The following GRM7 variants were observed in gnomAD, a reference collection of about 807,000 sequenced individuals.
GRM7 encodes the protein metabotropic glutamate receptor 7.
A neutral mutation model predicts 84.5 loss-of-function variants in GRM7; 35 were observed. That is an observed-to-expected ratio of 0.41 (90% CI 0.32 to 0.55). The LOEUF (loss-of-function observed/expected upper bound fraction) is 0.55. Ranked by LOEUF, GRM7 falls within the 20% of genes least tolerant of loss-of-function variation. The pLI is 0.19. For missense variants in GRM7, 1,003 were observed against 1,194.6 expected, an observed-to-expected ratio of 0.84 and a Z score of 2.36; for synonymous variants, 487 against 455.1, an observed-to-expected ratio of 1.07 and a Z score of -0.89.
At chr3:7,025,247 T>C (rs1357338128) in intron 1 of GRM7, among the ~76,000 whole-genome samples, 2 of 152,178 alleles carry the variant, frequency 1.3e-5, no homozygotes, top group Non-Finnish European at 2.9e-5. Context: ...CAATCTTAAC[T>C]CCACCTATGA....
At chr3:7,722,419 A>T (rs1350345220) in intron 9 of GRM7, among the ~76,000 whole-genome samples, 2 of 150,758 alleles carry the variant, frequency 1.3e-5, no homozygotes, top group Non-Finnish European at 2.9e-5. Context: ...GGCCAGGGTC[A>T]TACAGCTGAA....
chr3:7,563,694 G>GT (rs1363831852), intron 7 of GRM7, among the ~76,000 whole-genome samples: 1 of 152,184 alleles, frequency 6.6e-6, no homozygotes, highest in African/African-American at 2.4e-5. Flanking sequence ...TGAAACTGGA[G>GT]TGGAGGTTCG....
At chr3:7,583,514 G>T (rs1695365722) in intron 8 of GRM7, among the ~76,000 whole-genome samples, 2 of 152,154 alleles carry the variant, frequency 1.3e-5, no homozygotes, top group South Asian at 4.1e-4. Context: ...TAACACATCA[G>T]AACTGGAATG....
intron 5 of GRM7, among the ~76,000 whole-genome samples, chr3:7,431,581 A>G (rs780991719): frequency 1.3e-5 from 2 of 152,196 alleles, no homozygotes; most frequent in Non-Finnish European, 2.9e-5. Context: ...TTGACTAGCC[A>G]CTTGTTATCT....
intron 2 of GRM7, among the ~76,000 whole-genome samples, chr3:7,295,681 G>A (rs888884356): frequency 1.3e-5 from 2 of 152,146 alleles, no homozygotes; most frequent in South Asian, 4.1e-4. Flanking sequence ...AGCAGGACTG[G>A]TTTTTCGGTG....
At chr3:7,739,538 T>C (rs900510453) in intron 9 of GRM7, among the ~76,000 whole-genome samples, 8 of 152,168 alleles carry the variant, frequency 5.3e-5, no homozygotes, top group African/African-American at 1.9e-4. Flanking sequence ...TGACTTGGTA[T>C]TGAGGACTAG....
At chr3:7,512,838 A>G (rs1029025493) in intron 7 of GRM7, among the ~76,000 whole-genome samples, 1 of 152,082 alleles carries the variant, frequency 6.6e-6, no homozygotes, top group Non-Finnish European at 1.5e-5. Context: ...AAAGGAGGGG[A>G]GACAAGGAGG....
intron 1 of GRM7, among the ~76,000 whole-genome samples, chr3:7,026,450 G>C (rs1445088217): frequency 6.6e-6 from 1 of 152,200 alleles, no homozygotes; most frequent in Non-Finnish European, 1.5e-5. Context: ...GCGGGGATAA[G>C]AGAATTTGCC....
chr3:7,583,409 C>A (rs181802291), intron 8 of GRM7, among the ~76,000 whole-genome samples: 5 of 152,290 alleles, frequency 3.3e-5, no homozygotes, highest in Admixed American at 3.3e-4. Context: ...CATCCACGCC[C>A]AAGGCAGACA....
chr3:7,208,502 C>T (rs968955037), intron 2 of GRM7, among the ~76,000 whole-genome samples: 1 of 152,256 alleles, frequency 6.6e-6, no homozygotes, highest in African/African-American at 2.4e-5. Context: ...CTATATTGAG[C>T]CCCTTCTGTG....
intron 8 of GRM7, among the ~76,000 whole-genome samples, chr3:7,617,044 A>C (rs1292982137): frequency 6.6e-6 from 1 of 152,172 alleles, no homozygotes; most frequent in Non-Finnish European, 1.5e-5. Flanking sequence ...TATCAAAGCT[A>C]GCATAATTAG....
intron 2 of GRM7, among the ~76,000 whole-genome samples, chr3:7,293,007 C>G (rs1049339121): frequency 1.4e-5 from 2 of 138,246 alleles, no homozygotes; most frequent in Non-Finnish European, 3.0e-5. Flanking sequence ...GCACTGCAGC[C>G]TGGGGGACAA....
intron 7 of GRM7, among the ~76,000 whole-genome samples, chr3:7,493,777 A>G (rs7641008): frequency 0.052 from 7,876 of 151,970 alleles, 235 homozygotes; most frequent in Admixed American, 0.065. Context: ...CCTTTGTGTT[A>G]CTTGAACATT....
At chr3:7,293,539 C>T (rs1313855630) in intron 2 of GRM7, among the ~76,000 whole-genome samples, 1 of 152,138 alleles carries the variant, frequency 6.6e-6, no homozygotes, top group Non-Finnish European at 1.5e-5. Flanking sequence ...ATGAGACTTT[C>T]CAGTTCTCCC....
intron 1 of GRM7, among the ~76,000 whole-genome samples, chr3:6,994,343 G>T (rs755015319): frequency 1.3e-5 from 2 of 152,128 alleles, no homozygotes; most frequent in Admixed American, 1.3e-4. Flanking sequence ...TTGTTTCTCC[G>T]ATAAAGGAAA....
intron 8 of GRM7, among the ~76,000 whole-genome samples, chr3:7,648,057 C>T (rs1268599548): frequency 6.6e-6 from 1 of 152,076 alleles, no homozygotes; most frequent in East Asian, 1.9e-4. Context: ...GCCCCCAGTG[C>T]TCAGTAGAGG....
intron 2 of GRM7, among the ~76,000 whole-genome samples, chr3:7,253,859 A>G (rs1698100907): frequency 6.6e-6 from 1 of 152,130 alleles, no homozygotes; most frequent in African/African-American, 2.4e-5. Context: ...GATTTTGCGC[A>G]TCATTTCAGA....
intron 1 of GRM7, among the ~76,000 whole-genome samples, chr3:7,069,222 G>A (rs1306976066): frequency 6.6e-6 from 1 of 151,958 alleles, no homozygotes; most frequent in African/African-American, 2.4e-5. Context: ...GATAGTAGAA[G>A]GAAGATTGTT....
chr3:6,990,147 C>T (rs912464907), intron 1 of GRM7, among the ~76,000 whole-genome samples: 2 of 152,166 alleles, frequency 1.3e-5, no homozygotes, highest in Non-Finnish European at 2.9e-5. Flanking sequence ...GGCAGCCCTT[C>T]CCAATTTCCC....
Sources: allele counts gnomAD v4.1 joint callset (sites outside exome capture counted in the v4.1 genomes callset), GRCh38; gene constraint gnomAD v4.1.1; transcripts MANE v1.5; gene names NCBI Gene and HGNC (gene_info 2026-07-23, HGNC 2026-07-21).